DNAH7: variants seen among roughly 807,000 people sequenced by gnomAD.
DNAH7 encodes axonemal beta dynein heavy chain 7.
A neutral mutation model predicts 444.6 loss-of-function variants in DNAH7; 397 were observed. The ratio of observed to expected loss-of-function variants is 0.89; its 90% CI spans 0.82 to 0.97. The LOEUF is 0.97. Among genes scored for constraint, DNAH7 ranks in the 50% least tolerant of loss-of-function variants. The pLI is 0.00. For missense variants in DNAH7, 4,902 were observed against 4,800.8 expected (o/e 1.02, Z -0.62); for synonymous variants, 1,636 against 1,624.4 (o/e 1.01, Z -0.17).
At chr2:195,918,870 C>T (rs1014682795) in intron 24 of DNAH7, among the ~76,000 whole-genome samples, 2 of 152,096 alleles carry the variant, frequency 1.3e-5, no homozygotes, top group African/African-American at 4.8e-5. Context: ...GCAGTAGACC[C>T]TGATATAAAT....
At chr2:195,749,972 T>TA (rs1693695277) in intron 63 of DNAH7, among the ~76,000 whole-genome samples, 2 of 151,480 alleles carry the variant, frequency 1.3e-5, no homozygotes, top group Admixed American at 1.3e-4. Context: ...CTCTAAAACT[T>TA]AAAGTATAAT....
intron 42 of DNAH7, among the ~76,000 whole-genome samples, chr2:195,859,010 A>G (rs1699875537): frequency 6.6e-6 from 1 of 152,202 alleles, no homozygotes; most frequent in African/African-American, 2.4e-5. Context: ...AGCGTGTTTT[A>G]TTCATTTTTG....
At chr2:195,910,417 T>C (rs1047826926) in intron 24 of DNAH7, among the ~76,000 whole-genome samples, 1 of 152,198 alleles carries the variant, frequency 6.6e-6, no homozygotes, top group African/African-American at 2.4e-5. Flanking sequence ...TGAGAACAAA[T>C]TCACTTTTGA....
chr2:195,945,178 T>A (rs1021973688), intron 19 of DNAH7, among the ~76,000 whole-genome samples: 1 of 152,084 alleles, frequency 6.6e-6, no homozygotes, highest in South Asian at 2.1e-4. Context: ...CAAAAAGGAA[T>A]TTAACACAGG....
At chr2:195,956,009 TAA>T (rs1690625724) in intron 19 of DNAH7, among the ~76,000 whole-genome samples, 1 of 152,178 alleles carries the variant, frequency 6.6e-6, no homozygotes, top group Admixed American at 6.5e-5. Flanking sequence ...GTTTGGTTTA[TAA>T]AAAGATTTGT....
chr2:195,831,718 TTGTGTAA>T (rs767217014), intron 48 of DNAH7, among the ~76,000 whole-genome samples: 20 of 152,242 alleles, frequency 1.3e-4, no homozygotes, highest in Non-Finnish European at 2.4e-4. Flanking sequence ...AAAATCTTGC[TTGTGTAA>T]CACAGTAAGC....
chr2:196,046,532 A>T (rs959713208), intron 5 of DNAH7, among the ~76,000 whole-genome samples: 1 of 152,196 alleles, frequency 6.6e-6, no homozygotes, highest in Non-Finnish European at 1.5e-5. Flanking sequence ...TTAAGTCAAG[A>T]AAACAATATA....
chr2:195,790,494 C>G (rs961934964), intron 57 of DNAH7, among the ~76,000 whole-genome samples: 6 of 149,332 alleles, frequency 4.0e-5, no homozygotes, highest in Non-Finnish European at 8.9e-5. Flanking sequence ...AAAACAGACA[C>G]ATAGACCAAT....
At chr2:196,032,542 C>T (rs1035453759) in intron 5 of DNAH7, among the ~76,000 whole-genome samples, 2 of 151,802 alleles carry the variant, frequency 1.3e-5, no homozygotes, top group African/African-American at 2.4e-5. Context: ...GAATACGTTC[C>T]CAAAAGGCAA....
chr2:195,738,674 C>T (rs1692801189), intron 64 of DNAH7, among the ~76,000 whole-genome samples: 1 of 152,176 alleles, frequency 6.6e-6, no homozygotes, highest in Admixed American at 6.5e-5. Flanking sequence ...TAAATTCCTA[C>T]AATTTGTTAT....
intron 63 of DNAH7, among the ~76,000 whole-genome samples, chr2:195,747,413 G>A (rs1289043927): frequency 2.0e-5 from 3 of 152,280 alleles, no homozygotes; most frequent in Admixed American, 6.5e-5. Flanking sequence ...AGAGGCACAA[G>A]GAGGAACTGG....
intron 63 of DNAH7, among the ~76,000 whole-genome samples, chr2:195,753,306 A>G (rs1029393613): frequency 1.3e-5 from 2 of 152,050 alleles, no homozygotes; most frequent in African/African-American, 4.8e-5. Flanking sequence ...GAGAGGAGGA[A>G]AGCAAATATC....
At chr2:195,977,177 G>C (rs1202264096) in intron 15 of DNAH7, among the ~76,000 whole-genome samples, 1 of 152,182 alleles carries the variant, frequency 6.6e-6, no homozygotes, top group African/African-American at 2.4e-5. Context: ...AACCCAAAGA[G>C]ATAGAGATAT....
At chr2:195,848,491 C>T (rs1699152275) in intron 46 of DNAH7, among the ~76,000 whole-genome samples, 1 of 152,200 alleles carries the variant, frequency 6.6e-6, no homozygotes, top group East Asian at 1.9e-4. Flanking sequence ...TGTTGTCTGC[C>T]AGGCTTCTGT....
At chr2:195,888,461 A>T in intron 32 of DNAH7, 27 bp from the exon 33 acceptor site, 2 of 1,568,492 alleles carry the variant, frequency 1.3e-6, no homozygotes, top group Non-Finnish European at 1.7e-6. Context: ...GGTTACCATC[A>T]AGGTAATAAT....
At position 195,817,812 on chromosome 2, in the gene DNAH7, GA is replaced by G; in HGVS notation, c.9308del (p.Phe3103SerfsTer2). On this transcript the variant is annotated frameshift_variant, in exon 50 of 65. Transcript: ENST00000312428. LOFTEE classifies it high-confidence loss of function. ...ETSVKVTLLN[F>X]MITPEGMQDQ... ...CTTGCATTCCCTCAGGGGTTATCAT[GA>G]AGTTTAATAATGTTACCTATAAATG... 6.3e-7 allele frequency: 1 copy of G among 1,594,990 alleles called. No homozygotes were observed. The highest frequency in any genetic ancestry group is 8.5e-7 in the Non-Finnish European group (1 of 1,173,792).
chr2:195,937,083 CAAG>C (rs1388098895), intron 19 of DNAH7, among the ~76,000 whole-genome samples: 2 of 151,930 alleles, frequency 1.3e-5, no homozygotes, highest in African/African-American at 4.8e-5. Flanking sequence ...CCTGAACTCA[CAAG>C]AAGGACAGTG....
At chr2:195,990,221 A>G (rs956921381) in intron 12 of DNAH7, among the ~76,000 whole-genome samples, 11 of 152,154 alleles carry the variant, frequency 7.2e-5, no homozygotes, top group Non-Finnish European at 1.5e-4. Flanking sequence ...GTTACATTTA[A>G]ATCTTTAATC....
intron 5 of DNAH7, among the ~76,000 whole-genome samples, chr2:196,036,068 G>C (rs555096142): frequency 8.4e-6 from 1 of 119,084 alleles, no homozygotes; most frequent in African/African-American, 3.3e-5. Context: ...TTTCACTCTT[G>C]TTGCCCAGGC....
Sources: gnomAD v4.1 joint callset for allele counts (sites outside exome capture counted in the v4.1 genomes callset) on GRCh38, gnomAD v4.1.1 for gene constraint, MANE v1.5 for transcripts, NCBI Gene and HGNC (gene_info 2026-07-23, HGNC 2026-07-21) for gene names.